EDARADD: variants seen among roughly 807,000 people sequenced by gnomAD.
EDARADD encodes the protein ectodysplasin-A receptor-associated adapter protein.
A neutral mutation model predicts 25.6 loss-of-function variants in EDARADD; 20 were observed. The ratio of observed to expected loss-of-function variants is 0.78; its 90% CI spans 0.55 to 1.14. EDARADD has a LOEUF of 1.14. EDARADD is among the 50% of genes most tolerant of loss of function. EDARADD has a pLI of 0.00. For missense variants in EDARADD, 225 were observed against 270.1 expected, an observed-to-expected ratio of 0.83 and a Z score of 1.17; for synonymous variants, 86 against 94.4, an observed-to-expected ratio of 0.91 and a Z score of 0.52.
In EDARADD at chr1:236,447,234, C is replaced by T. The variant is rs573097023; in HGVS notation, c.219+19784C>T. ...TTTCTTTCTTTCTTTCCTTTCTTTCCTTTCTTTCCTTTCTTTCCTTTCTTT... is the reference window on the plus strand; with the variant it reads ...TTTCTTTCTTTCTTTCCTTTCTTTCTTTTCTTTCCTTTCTTTCCTTTCTTT... On this transcript the variant is annotated intron_variant, in intron 4 of 5. Transcript: ENST00000334232. Among the ~76,000 whole-genome samples the T allele has an allele frequency of 4.8e-3, 451 of 94,370 alleles. 1 individual carries two copies. The highest frequency in any genetic ancestry group is 0.023 in the African/African-American group (395 of 16,858). 61.9% of individuals were successfully genotyped at this position (94,370 alleles called of 152,430 possible). A position where few individuals can be genotyped will look rare whatever the true frequency, so the allele number is the denominator to read the frequency against.
rs1462082839 is a variant in EDARADD at position 236,398,111 on chromosome 1, C to T, written c.61+3606C>T. Among the ~76,000 whole-genome samples, 1 of 152,064 alleles carries T rather than the reference C, an allele frequency of 6.6e-6. No homozygotes were observed. ...TTCTGCAAAAGGTTGCCAGGGCCAT[C>T]TTTTATTTTATTTTTATTATTATTA... On this transcript the variant is annotated intron_variant, in intron 1 of 5. Coordinates refer to ENST00000334232, the MANE Select transcript of EDARADD (RefSeq NM_145861.4). This position sits in a 1 kb window ranked among gnomAD's most constrained non-coding sequence, Gnocchi z 4.1.
intron 3 of EDARADD, among the ~76,000 whole-genome samples, chr1:236,424,954 T>C (rs896851154): frequency 6.6e-6 from 1 of 152,248 alleles, no homozygotes. Context: ...CCACATAAAG[T>C]TGTGGCTTTC....
chr1:236,423,662 G>C (rs1340876511), intron 3 of EDARADD, among the ~76,000 whole-genome samples: 2 of 152,162 alleles, frequency 1.3e-5, no homozygotes, highest in Admixed American at 1.3e-4. Context: ...TTGATTGAGA[G>C]ACTATTGAGA....
At chr1:236,426,728 T>C (rs1243021988) in intron 3 of EDARADD, among the ~76,000 whole-genome samples, 1 of 152,124 alleles carries the variant, frequency 6.6e-6, no homozygotes, top group Non-Finnish European at 1.5e-5. Context: ...GACAACACAG[T>C]GAGGCCCTAT....
chr1:236,383,558 G>A (rs1233331235), intron 3 of EDARADD, among the ~76,000 whole-genome samples: 2 of 152,134 alleles, frequency 1.3e-5, no homozygotes, highest in Non-Finnish European at 2.9e-5. Flanking sequence ...GTTTCAGGCA[G>A]AAGGGAAAAT....
intron 4 of EDARADD, among the ~76,000 whole-genome samples, chr1:236,442,052 T>C (rs183249780): frequency 2.2e-3 from 334 of 152,140 alleles, no homozygotes; most frequent in Middle Eastern, 3.4e-3. Flanking sequence ...AAGGTAGCTA[T>C]ACTAAACAAC....
Position 236,414,246 on chromosome 1 carries a change from G to T in EDARADD, c.121-14G>T. The stretch of plus-strand genomic sequence containing the variant: ...CATTTAAAAATAATTCTCCTCTTTT[G>T]TTGGTTTCTACAGTCAGACAAATAT... On this transcript the variant is annotated splice_polypyrimidine_tract_variant and intron_variant, in intron 2 of 5. Coordinates refer to ENST00000334232, the MANE Select transcript of EDARADD (RefSeq NM_145861.4). 1 of 1,606,644 alleles carries T rather than the reference G, an allele frequency of 6.2e-7. No homozygotes were observed. Among genetic ancestry groups the T allele is most frequent in the Non-Finnish European group, 8.5e-7 (1 of 1,173,492 alleles).
intron 5 of EDARADD, among the ~76,000 whole-genome samples, chr1:236,472,220 G>C (rs1245964979): frequency 1.3e-5 from 2 of 152,158 alleles, no homozygotes; most frequent in African/African-American, 4.8e-5. Flanking sequence ...ATCATCCACA[G>C]ACATGGTATC....
At chr1:236,377,763 C>T (rs971793892) in intron 3 of EDARADD, among the ~76,000 whole-genome samples, 7 of 151,810 alleles carry the variant, frequency 4.6e-5, no homozygotes, top group Non-Finnish European at 7.4e-5. Context: ...GAGGCTGAGG[C>T]AGGAGAATCG....
chr1:236,484,354 C>T lies in EDARADD; in HGVS notation c.*1705C>T. 6.7e-7 allele frequency: 1 copy of T among 1,494,460 alleles called. No homozygotes were observed. The allele number at this position is 1,494,460 out of a possible 1,614,324, so 92.6% of individuals were successfully genotyped here. On this transcript the variant is annotated 3_prime_UTR_variant, in exon 6 of 6. Coordinates refer to ENST00000334232, the MANE Select transcript of EDARADD (RefSeq NM_145861.4). This position sits in a 1 kb window ranked among gnomAD's most constrained non-coding sequence, Gnocchi z 4.1. ...TGACCTGGGCAGCTCAAGACTGGTG[C>T]CCCTTGCTGATCTGAGCGCTTGGCC...
At chr1:236,415,922 A>G (rs1263666868) in intron 3 of EDARADD, among the ~76,000 whole-genome samples, 1 of 152,188 alleles carries the variant, frequency 6.6e-6, no homozygotes, top group Non-Finnish European at 1.5e-5. Context: ...ATGGAGGGGT[A>G]GGCCTGCCCA....
chr1:236,470,709 A>C (rs899262829), intron 5 of EDARADD, among the ~76,000 whole-genome samples: 1 of 152,080 alleles, frequency 6.6e-6, no homozygotes, highest in African/African-American at 2.4e-5. Flanking sequence ...GGGTTCAAGC[A>C]GCTCTCCTGC....
rs1667501526 is a variant in EDARADD at position 236,395,623 on chromosome 1, C to G, written c.61+1118C>G. On this transcript the variant is annotated intron_variant, in intron 1 of 5. Transcript: ENST00000334232. The surrounding 1 kb of genome is among the most constrained non-coding windows in gnomAD (Gnocchi z 6.9). ...CTCGGACGCTCGTTTGCCCCTAACC[C>G]GCCGCCATGGCTTCACCGGACGACC... 1 of 1,569,556 alleles carries G rather than the reference C, an allele frequency of 6.4e-7. No homozygotes were observed. The highest frequency in any genetic ancestry group is 1.2e-5 in the South Asian group (1 of 85,680).
At chr1:236,350,166 T>A (rs1382084199) in intron 2 of EDARADD, among the ~76,000 whole-genome samples, 1 of 152,056 alleles carries the variant, frequency 6.6e-6, no homozygotes, top group East Asian at 1.9e-4. Context: ...TCTGTAGATG[T>A]GGATTTTTCC....
Position 236,424,704 on chromosome 1 carries a change from C to T in EDARADD, c.161-2688C>T, listed in dbSNP as rs547499396. Among the ~76,000 whole-genome samples the T allele has an allele frequency of 3.9e-5, 6 of 152,018 alleles. No homozygotes were observed. The South Asian group carries it at 1.0e-3, about 26-fold the overall frequency. On this transcript the variant is annotated intron_variant, in intron 3 of 5. Transcript: ENST00000334232. ...GTGAATTAACCCTTTTACTGTGCCC[C>T]GGGGCTACTAGGAGTTTTCCCTACA...
intron 4 of EDARADD, among the ~76,000 whole-genome samples, chr1:236,433,358 A>G (rs1395985405): frequency 6.6e-6 from 1 of 151,800 alleles, no homozygotes; most frequent in African/African-American, 2.4e-5. Flanking sequence ...TAGGAGTTTG[A>G]GATCAGCCTG....
intron 4 of EDARADD, among the ~76,000 whole-genome samples, chr1:236,456,540 T>G (rs1171742851): frequency 6.6e-6 from 1 of 151,978 alleles, no homozygotes; most frequent in Admixed American, 6.6e-5. Context: ...GCCTGTGACA[T>G]CTCACTTTCT....
intron 4 of EDARADD, among the ~76,000 whole-genome samples, chr1:236,459,332 C>T (rs1658976084): frequency 1.3e-5 from 2 of 152,110 alleles, no homozygotes; most frequent in East Asian, 1.9e-4. Context: ...ATAAACTCTA[C>T]ATCCTACACA....
At chr1:236,476,193 CAAAT>C (rs148065571) in intron 5 of EDARADD, among the ~76,000 whole-genome samples, 8,500 of 146,094 alleles carry the variant, frequency 0.058, 322 homozygotes, top group East Asian at 0.18. Flanking sequence ...GACTCCATCT[CAAAT>C]AAATAAATAA....
Sources: gnomAD v4.1 joint callset for allele counts (sites outside exome capture counted in the v4.1 genomes callset) on GRCh38, gnomAD v4.1.1 for gene constraint, Gnocchi (gnomAD v3.1) non-coding constraint, MANE v1.5 for transcripts, NCBI Gene and HGNC (gene_info 2026-07-23, HGNC 2026-07-21) for gene names.